ZNF595: variants seen among roughly 807,000 people sequenced by gnomAD.
ZNF595 encodes the protein zinc finger protein 595.
Under a neutral mutation model 19.4 loss-of-function variants are expected in ZNF595, and 9 were observed. The observed-to-expected ratio is 0.46, with a 90% CI of 0.28 to 0.81. The LOEUF (loss-of-function observed/expected upper bound fraction) is 0.81, where lower values mean the gene tolerates loss of function less well. Ranked by LOEUF, ZNF595 falls within the 30% of genes least tolerant of loss-of-function variation. The pLI is 0.11. For missense variants in ZNF595, 729 were observed against 736.0 expected (o/e 0.99, Z 0.11); for synonymous variants, 255 against 255.9 (o/e 1.00, Z 0.03).
At chr4:60,520 A>G in intron 3 of ZNF595, 4 of 452,122 alleles carry the variant, frequency 8.8e-6, no homozygotes, top group South Asian at 6.9e-5. Flanking sequence ...TCATGCCTAA[A>G]ATACGTAAGG....
At chr4:77,140 T>G (rs1553798860) in intron 3 of ZNF595, among the ~76,000 whole-genome samples, 6 of 152,056 alleles carry the variant, frequency 3.9e-5, no homozygotes. Flanking sequence ...TCATTCTTTT[T>G]TTTTTTAAAT....
chr4:80,377 C>T (rs1486348983), intron 3 of ZNF595, among the ~76,000 whole-genome samples: 2 of 152,158 alleles, frequency 1.3e-5, no homozygotes, highest in African/African-American at 4.8e-5. Flanking sequence ...GTATATACCT[C>T]AACACAATAA....
chr4:82,371 GGTTTTTTT>G (rs1321853998), intron 3 of ZNF595, among the ~76,000 whole-genome samples: 1,290 of 97,664 alleles, frequency 0.013, 64 homozygotes, highest in African/African-American at 0.043. Context: ...TTTGGTTTGT[GGTTTTTTT>G]TTTTTTTTTT....
rs1172479179 is a variant in ZNF595 at position 88,047 on chromosome 4, AT to A, written c.*603del. The A allele has an allele frequency of 6.6e-6, 1 of 152,002 alleles. No homozygotes were observed. The highest frequency in any genetic ancestry group is 2.4e-5 in the African/African-American group (1 of 41,368). The allele number at this position is 152,002 out of a possible 1,614,324, so 9.4% of individuals were successfully genotyped here. A position where few individuals can be genotyped will look rare whatever the true frequency, so the allele number is the denominator to read the frequency against. On this transcript the variant is annotated 3_prime_UTR_variant, in exon 4 of 4. Coordinates refer to ENST00000610261, the MANE Select transcript of ZNF595 (RefSeq NM_182524.4). ...TTTAATTATTTTTAAATGTGCAATTATTTTTTTACTACAGGTTATTTTATGA... is the reference window on the plus strand; with the variant it reads ...TTTAATTATTTTTAAATGTGCAATTATTTTTTACTACAGGTTATTTTATGA...
chr4:77,132 A>C (rs1177058078), intron 3 of ZNF595, among the ~76,000 whole-genome samples: 1 of 149,672 alleles, frequency 6.7e-6, no homozygotes, highest in Non-Finnish European at 1.5e-5. Context: ...TCACTCTTTC[A>C]TTCTTTTTTT....
chr4:69,495 A>C (rs1553797556), intron 3 of ZNF595, among the ~76,000 whole-genome samples: 1 of 152,152 alleles, frequency 6.6e-6, no homozygotes, highest in Non-Finnish European at 1.5e-5. Flanking sequence ...GATGATATTG[A>C]TGTGGAGCAC....
At chr4:80,168 A>G (rs913557331) in intron 3 of ZNF595, among the ~76,000 whole-genome samples, 4 of 152,182 alleles carry the variant, frequency 2.6e-5, no homozygotes, top group African/African-American at 9.7e-5. Context: ...GATTATAGGC[A>G]TGCACCACCA....
rs1714167484 is a variant in ZNF595 at position 86,292 on chromosome 4, A to C, written c.788A>C (p.Lys263Thr). The C allele has an allele frequency of 6.2e-7, 1 of 1,611,762 alleles. No individual in the cohort carries two copies. Among genetic ancestry groups the C allele is most frequent in the South Asian group, 1.1e-5 (1 of 91,022 alleles). The change falls in exon 4 of 4, where the codon AAA (lysine) becomes ACA (threonine). Residue 263 changes from lysine (K) to threonine (T), a missense_variant. Transcript: ENST00000610261. ...EKPYKCEECG[K>T]AFTRSTTLNE... The stretch of plus-strand genomic sequence containing the variant: ...CCCTACAAATGTGAAGAATGTGGCA[A>C]AGCCTTTACAAGGTCCACAACACTG...
chr4:73,615 A>G (rs1269290548), intron 3 of ZNF595, among the ~76,000 whole-genome samples: 3 of 152,212 alleles, frequency 2.0e-5, no homozygotes, highest in Non-Finnish European at 4.4e-5. Flanking sequence ...GACCATAGTT[A>G]TAACTACCAA....
chr4:73,152 G>A (rs1377156432), intron 3 of ZNF595, among the ~76,000 whole-genome samples: 2 of 152,142 alleles, frequency 1.3e-5, no homozygotes, highest in African/African-American at 4.8e-5. Flanking sequence ...GAGGAATATT[G>A]CATTGGGGAA....
chr4:83,199 G>C (rs1553800377), intron 3 of ZNF595, among the ~76,000 whole-genome samples: 1 of 152,094 alleles, frequency 6.6e-6, no homozygotes, highest in Non-Finnish European at 1.5e-5. Context: ...GGGAGTTTTT[G>C]ACTTTAGATG....
chr4:61,045 T>C (rs1581322692), intron 3 of ZNF595, among the ~76,000 whole-genome samples: 1 of 152,192 alleles, frequency 6.6e-6, no homozygotes, highest in African/African-American at 2.4e-5. Context: ...GGTTTGTGAA[T>C]AATTTTTTTG....
At chr4:81,177 G>A (rs1713892930) in intron 3 of ZNF595, among the ~76,000 whole-genome samples, 2 of 152,146 alleles carry the variant, frequency 1.3e-5, no homozygotes, top group Non-Finnish European at 1.5e-5. Flanking sequence ...CTTTTTTATG[G>A]CTGCAAGAGC....
At chr4:85,679 T>C (rs1560093733) in intron 3 of ZNF595, 52 bp from the exon 4 acceptor site, 2 of 1,498,752 alleles carry the variant, frequency 1.3e-6, no homozygotes, top group South Asian at 2.8e-5. Flanking sequence ...TCGTAAAGTA[T>C]ATTCATATGA....
chr4:86,119 T>C lies in ZNF595; in HGVS notation c.615T>C (p.Cys205=). The C allele has an allele frequency of 6.2e-7, 1 of 1,613,706 alleles. No homozygotes were observed. ...AGAAACCCTACAAATGTGAAAAATG[T>C]GGCAAAGCCTTTAATAGGTCCACAT... ...AGEKPYKCEK[C]GKAFNRSTSL... Residue 205 remains cysteine (C), a synonymous_variant, in exon 4 of 4, where the codon TGT becomes TGC. Coordinates refer to ENST00000610261, the MANE Select transcript of ZNF595 (RefSeq NM_182524.4).
intron 3 of ZNF595, among the ~76,000 whole-genome samples, chr4:71,924 T>C (rs1713448509): frequency 6.6e-6 from 1 of 151,974 alleles, no homozygotes; most frequent in African/African-American, 2.4e-5. Context: ...AAAAAAAATG[T>C]ACTCCAGGCA....
At chr4:78,481 A>G (rs1206755622) in intron 3 of ZNF595, among the ~76,000 whole-genome samples, 2 of 152,220 alleles carry the variant, frequency 1.3e-5, no homozygotes, top group Non-Finnish European at 2.9e-5. Flanking sequence ...ATTTGCATGT[A>G]TAAATATTGC....
At chr4:71,783 A>G (rs1370300040) in intron 3 of ZNF595, among the ~76,000 whole-genome samples, 1 of 152,204 alleles carries the variant, frequency 6.6e-6, no homozygotes, top group African/African-American at 2.4e-5. Flanking sequence ...CAGCCAATGG[A>G]AAGCTGATAT....
chr4:78,934 C>G (rs1713786804), intron 3 of ZNF595, among the ~76,000 whole-genome samples: 1 of 152,186 alleles, frequency 6.6e-6, no homozygotes, highest in Admixed American at 6.5e-5. Flanking sequence ...CTCAGGTAAT[C>G]CACTCGCCTC....
Sources: allele counts gnomAD v4.1 joint callset (sites outside exome capture counted in the v4.1 genomes callset), GRCh38; gene constraint gnomAD v4.1.1; transcripts MANE v1.5; gene names NCBI Gene and HGNC (gene_info 2026-07-23, HGNC 2026-07-21).